The following BAZ2B variants were observed in gnomAD, a reference collection of about 807,000 sequenced individuals.
BAZ2B encodes bromodomain adjacent to zinc finger domain protein 2B.
BAZ2B carries 91 observed loss-of-function variants against 246.0 expected under a neutral mutation model. The ratio of observed to expected loss-of-function variants is 0.37; its 90% confidence interval spans 0.31 to 0.44. The LOEUF (loss-of-function observed/expected upper bound fraction) is 0.44, where lower values mean the gene tolerates loss of function less well. BAZ2B is among the 20% of genes least tolerant of loss of function. The pLI is 1.00. For synonymous variants in BAZ2B, 855 were observed against 860.0 expected, an observed-to-expected ratio of 0.99 and a Z score of 0.10; for missense variants, 2,332 against 2,533.7, an observed-to-expected ratio of 0.92 and a Z score of 1.71.
Position 159,478,386 on chromosome 2 carries a change from G to A in BAZ2B, c.145+189C>T, listed in dbSNP as rs564348969. On this transcript the variant is annotated intron_variant, in intron 3 of 36. Coordinates refer to ENST00000392783, the MANE Select transcript of BAZ2B (RefSeq NM_013450.4). The stretch of plus-strand genomic sequence containing the variant: ...TTTAACTCTCAAAGACAATTCCTAG[G>A]AAGTATAGAATAACCAGTGCTATCC... Among the ~76,000 whole-genome samples the A allele has an allele frequency of 5.3e-4, 80 of 152,136 alleles. 2 individuals carry two copies. In the South Asian group the frequency reaches 0.016, roughly 31 times the overall value.
At chr2:159,400,074 ATT>A (rs1199084908) in intron 17 of BAZ2B, among the ~76,000 whole-genome samples, 1 of 152,048 alleles carries the variant, frequency 6.6e-6, no homozygotes, top group East Asian at 1.9e-4. Context: ...GTTTTCCTGT[ATT>A]TTTTCTTTGC....
chr2:159,510,693 T>C (rs1477995103), intron 2 of BAZ2B, among the ~76,000 whole-genome samples: 1 of 152,200 alleles, frequency 6.6e-6, no homozygotes, highest in East Asian at 1.9e-4. Context: ...TTTAAATGGG[T>C]GAACTGTATG....
At position 159,359,535 on chromosome 2, in the gene BAZ2B, G is replaced by A. The variant is rs963396516; in HGVS notation, c.4214-9178C>T. On this transcript the variant is annotated intron_variant, in intron 27 of 36. Transcript: ENST00000392783. ...CGAATTCTACCAGAGGTACAAAAGC[G>A]AGCTGCTACCATTCCTTTTGAAACT... Among the ~76,000 whole-genome samples, 6 of 152,210 alleles carry A rather than the reference G, an allele frequency of 3.9e-5. No homozygotes were observed. In the South Asian group the frequency reaches 1.0e-3, roughly 26 times the overall value.
chr2:159,704,977 C>G, the BAZ2B span, among the ~76,000 whole-genome samples: 7 of 151,736 alleles, frequency 4.6e-5, no homozygotes, highest in Admixed American at 2.0e-4. Context: ...GATGGGATTA[C>G]GAGCCACCAC....
intron 2 of BAZ2B, among the ~76,000 whole-genome samples, chr2:159,484,290 T>G (rs1439077967): frequency 6.6e-6 from 1 of 152,192 alleles, no homozygotes; most frequent in East Asian, 1.9e-4. Flanking sequence ...AATAGTAAGG[T>G]GAGTCAAGCT....
At chr2:159,421,883 TCAGTA>T (rs2068826602) in intron 13 of BAZ2B, among the ~76,000 whole-genome samples, 1 of 152,092 alleles carries the variant, frequency 6.6e-6, no homozygotes. Context: ...ATAAACGAGT[TCAGTA>T]AAGTTTGACA....
At chr2:159,690,579 T>C in the BAZ2B span, among the ~76,000 whole-genome samples, 1 of 152,176 alleles carries the variant, frequency 6.6e-6, no homozygotes, top group Non-Finnish European at 1.5e-5. Context: ...TGATTTATTA[T>C]TTGAGTTAGT....
chr2:159,460,595 G>A (rs1201184313), intron 3 of BAZ2B: 3 of 151,982 alleles, frequency 2.0e-5, no homozygotes, highest in Non-Finnish European at 4.4e-5. Context: ...TGCAAAGTAT[G>A]GCTATTCATT....
chr2:159,620,573 T>C (rs1438947292), upstream of BAZ2B, among the ~76,000 whole-genome samples: 1 of 152,184 alleles, frequency 6.6e-6, no homozygotes, highest in African/African-American at 2.4e-5. Context: ...GAGATGTTAT[T>C]TGAACTGCAT....
the BAZ2B span, among the ~76,000 whole-genome samples, chr2:159,629,184 G>A: frequency 6.6e-6 from 1 of 152,268 alleles, no homozygotes; most frequent in East Asian, 1.9e-4. Context: ...ACAGATGCTG[G>A]GGAGAATGTA....
intron 2 of BAZ2B, among the ~76,000 whole-genome samples, chr2:159,538,743 A>C (rs1183923977): frequency 6.6e-6 from 1 of 152,248 alleles, no homozygotes; most frequent in Non-Finnish European, 1.5e-5. Context: ...CTCAAAAAAC[A>C]TAGTGGCAAA....
chr2:159,492,460 C>T (rs2080611325), intron 2 of BAZ2B, among the ~76,000 whole-genome samples: 1 of 152,180 alleles, frequency 6.6e-6, no homozygotes, highest in South Asian at 2.1e-4. Context: ...CAACTATGAA[C>T]TTGCATACAT....
At chr2:159,443,679 G>T (rs1232434379) in intron 6 of BAZ2B, among the ~76,000 whole-genome samples, 1 of 152,088 alleles carries the variant, frequency 6.6e-6, no homozygotes, top group African/African-American at 2.4e-5. Context: ...CACTTGAATA[G>T]ACAATCTCTC....
At chr2:159,570,428 G>A (rs56253427) in intron 1 of BAZ2B, among the ~76,000 whole-genome samples, 46,394 of 152,038 alleles carry the variant, frequency 0.31, 8,862 homozygotes, top group Admixed American at 0.43. Flanking sequence ...TGATCCGCCC[G>A]CCTCGGCCTC....
chr2:159,530,178 C>T (rs1437706229), intron 2 of BAZ2B, among the ~76,000 whole-genome samples: 2 of 152,182 alleles, frequency 1.3e-5, no homozygotes, highest in East Asian at 1.9e-4. Flanking sequence ...AAAGTAGTAA[C>T]CTTCACCCTC....
chr2:159,695,764 A>T, the BAZ2B span, among the ~76,000 whole-genome samples: 2 of 150,972 alleles, frequency 1.3e-5, no homozygotes, highest in East Asian at 1.9e-4. Context: ...TTTTATTTTT[A>T]TTTTTTTTGA....
chr2:159,671,550 G>C, the BAZ2B span, among the ~76,000 whole-genome samples: 10,080 of 152,108 alleles, frequency 0.066, 432 homozygotes, highest in Middle Eastern at 0.19. Flanking sequence ...TTATTGGGAC[G>C]ATTTCACCAA....
At chr2:159,671,388 G>C in the BAZ2B span, among the ~76,000 whole-genome samples, 1 of 152,136 alleles carries the variant, frequency 6.6e-6, no homozygotes, top group Non-Finnish European at 1.5e-5. Flanking sequence ...ATAATTGGTA[G>C]CTATACGGGA....
chr2:159,427,246 A>G (rs1356120593), intron 13 of BAZ2B, among the ~76,000 whole-genome samples: 1 of 152,148 alleles, frequency 6.6e-6, no homozygotes, highest in African/African-American at 2.4e-5. Context: ...ATGCAGCTGA[A>G]TACAACTAAG....
Sources: allele counts gnomAD v4.1 joint callset (sites outside exome capture counted in the v4.1 genomes callset), GRCh38; gene constraint gnomAD v4.1.1; transcripts MANE v1.5; gene names NCBI Gene and HGNC (gene_info 2026-07-23, HGNC 2026-07-21).